Variants in EPS8L2 observed in about 807,000 individuals in gnomAD.
EPS8L2 encodes the protein EPS8 signaling adaptor L2.
A neutral mutation model predicts 99.4 loss-of-function variants in EPS8L2; 81 were observed. The ratio of observed to expected loss-of-function variants is 0.82; its 90% CI spans 0.68 to 0.98. EPS8L2 has a LOEUF of 0.98. Among genes scored for constraint, EPS8L2 ranks in the 50% least tolerant of loss-of-function variants. EPS8L2 has a pLI of 0.00. For synonymous variants in EPS8L2, 509 were observed against 407.3 expected, an observed-to-expected ratio of 1.25 and a Z score of -3.01; for missense variants, 1,155 against 968.8, an observed-to-expected ratio of 1.19 and a Z score of -2.55.
chr11:721,174 G>C lies in EPS8L2; in HGVS notation c.668G>C (p.Arg223Pro). Residue 223 changes from arginine (R) to proline (P), a missense_variant, in exon 8 of 21, where the codon CGC becomes CCC. Transcript: ENST00000318562. The stretch of plus-strand genomic sequence containing the variant: ...GGGGATTCCCCGGAGGCCAAGAATC[G>C]CGTGGGCCCGCAGGTGCCACTCAGC... ...RGGDSPEAKNRVGPQVPLSEP... is the reference protein window; with the variant it reads ...RGGDSPEAKNPVGPQVPLSEP... 1.3e-6 allele frequency: 2 copies of C among 1,534,312 alleles called. No homozygotes were observed. Among genetic ancestry groups the C allele is most frequent in the Non-Finnish European group, 1.8e-6 (2 of 1,142,772 alleles).
In EPS8L2 at chr11:724,551, TCA is replaced by T. The variant is rs1020264372; in HGVS notation, c.1455-170_1455-169del. The T allele has an allele frequency of 3.3e-6, 2 of 608,210 alleles. No homozygotes were observed. The highest frequency in any genetic ancestry group is 2.8e-5 in the East Asian group (1 of 36,036). 37.7% of individuals were successfully genotyped at this position (608,210 alleles called of 1,614,324 possible). On this transcript the variant is annotated intron_variant, in intron 15 of 20. Coordinates refer to ENST00000318562, the MANE Select transcript of EPS8L2 (RefSeq NM_022772.4). The surrounding 1 kb of genome is among the most constrained non-coding windows in gnomAD (Gnocchi z 5.5). ...GCAGGGCCCCAAAGCTCTGGGGCTG[TCA>T]CAGTTTCCATTCCGGGCTGACGCTG...
At chr11:725,071 G>C (rs895334798) in intron 16 of EPS8L2, among the ~76,000 whole-genome samples, 5 of 152,222 alleles carry the variant, frequency 3.3e-5, no homozygotes, top group African/African-American at 1.2e-4. Context: ...GTGCCAGGCT[G>C]GGGGGAGCAT....
chr11:720,774 G>T, intron 6 of EPS8L2, 28 bp downstream of exon 6: 2 of 1,535,882 alleles, frequency 1.3e-6, no homozygotes, highest in Non-Finnish European at 1.8e-6. Context: ...GGGGCAGGGT[G>T]GGGCCCCGCC....
intron 9 of EPS8L2, 106 bp from the exon 10 acceptor site, chr11:721,459 G>A: frequency 6.7e-7 from 1 of 1,491,286 alleles, no homozygotes; most frequent in South Asian, 1.3e-5. Flanking sequence ...CTGCCCCTCC[G>A]AAGGTGTGGG....
At position 723,305 on chromosome 11, in the gene EPS8L2, C is replaced by A; in HGVS notation, c.1406C>A (p.Thr469Asn). 6 of 1,591,326 alleles carry A rather than the reference C, an allele frequency of 3.8e-6. No homozygotes were observed. Among genetic ancestry groups the A allele is most frequent in the South Asian group, 1.1e-5 (1 of 88,528 alleles). ...SQKHSPTSEP[T>N]PPGDALPPVS... ...AAGCACAGCCCCACTTCAGAGCCCA[C>A]CCCCCCGGGGGATGCCCTACCACCA... Residue 469 changes from threonine (T) to asparagine (N), a missense_variant, in exon 15 of 21, where the codon ACC becomes AAC. Physicochemically the swap from Thr to Asn is moderately conservative, Grantham distance 65. Coordinates refer to ENST00000318562, the MANE Select transcript of EPS8L2 (RefSeq NM_022772.4).
chr11:711,773 T>C (rs372597018), intron 4 of EPS8L2, among the ~76,000 whole-genome samples: 3,869 of 105,038 alleles, frequency 0.037, no homozygotes, highest in Non-Finnish European at 0.047. Flanking sequence ...CATCTGAGGT[T>C]AGGAGTTTGA....
chr11:709,268 G>C, intron 1 of EPS8L2, 62 bp from the exon 2 acceptor site: 1 of 1,036,098 alleles, frequency 9.7e-7, no homozygotes, highest in African/African-American at 1.6e-5. Context: ...CTGGCCCAGG[G>C]AAGGAGGGGA....
At chr11:720,983 C>CAGGG in intron 7 of EPS8L2, 74 bp downstream of exon 7, 1 of 1,367,614 alleles carries the variant, frequency 7.3e-7, no homozygotes, top group Non-Finnish European at 9.8e-7. Context: ...GAGGAGCCGG[C>CAGGG]AGGGGAGGGG....
At position 724,868 on chromosome 11, in the gene EPS8L2, G is replaced by A. The variant is rs1419780149; in HGVS notation, c.1560+39G>A. On this transcript the variant is annotated intron_variant, in intron 16 of 20. Coordinates refer to ENST00000318562, the MANE Select transcript of EPS8L2 (RefSeq NM_022772.4). The surrounding 1 kb of genome is among the most constrained non-coding windows in gnomAD (Gnocchi z 5.5). ...GGACGGGGTCCAAGAGGGGGAAACA[G>A]GGCAGGGCTTCAAGGGAGGGGCTAC... 2 of 1,497,482 alleles carry A rather than the reference G, an allele frequency of 1.3e-6. No individual in the cohort carries two copies. The highest frequency in any genetic ancestry group is 9.3e-7 in the Non-Finnish European group (1 of 1,076,594). The allele number at this position is 1,497,482 out of a possible 1,614,324, so 92.8% of individuals were successfully genotyped here.
intron 3 of EPS8L2, 24 bp from the exon 4 acceptor site, chr11:710,398 A>G: frequency 6.2e-7 from 1 of 1,611,166 alleles, no homozygotes. Flanking sequence ...CCGTCGGGGG[A>G]GTGACTGGTG....
At chr11:715,282 T>G (rs1388836513) in intron 4 of EPS8L2, among the ~76,000 whole-genome samples, 3 of 152,064 alleles carry the variant, frequency 2.0e-5, no homozygotes, top group Non-Finnish European at 4.4e-5. Flanking sequence ...TTATTGTTTC[T>G]TCCTTAGATA....
Position 721,676 on chromosome 11 carries a change from A to G in EPS8L2, c.880A>G (p.Lys294Glu), listed in dbSNP as rs1211442214. The change falls in exon 10 of 21, where the codon AAG becomes GAG. Residue 294 changes from lysine to glutamate, a missense_variant. Coordinates refer to ENST00000318562, the MANE Select transcript of EPS8L2 (RefSeq NM_022772.4). Reference sequence around the variant, plus strand: ...GCGGAAAAAGGGGAAGAAGAAGGGCAAGAAGGCGCCAGCAGGTGCAGGGGA... The same window carrying G: ...GCGGAAAAAGGGGAAGAAGAAGGGCGAGAAGGCGCCAGCAGGTGCAGGGGA... ...NQRKKGKKKG[K>E]KAPAEGVLTL... 1 of 1,594,104 alleles carries G rather than the reference A, an allele frequency of 6.3e-7. No individual in the cohort carries two copies. The highest frequency in any genetic ancestry group is 2.2e-5 in the East Asian group (1 of 44,654).
chr11:723,042 C>T (rs917533189), intron 14 of EPS8L2, among the ~76,000 whole-genome samples, 199 bp from the exon 15 acceptor site: 2 of 119,780 alleles, frequency 1.7e-5, no homozygotes, highest in South Asian at 2.9e-4. Flanking sequence ...CTCCACCCAC[C>T]GCCCCTTCAG....
chr11:720,835 G>C lies in EPS8L2; in HGVS notation c.483G>C (p.Glu161Asp). The C allele has an allele frequency of 3.9e-6, 6 of 1,542,688 alleles. No homozygotes were observed. The highest frequency in any genetic ancestry group is 4.4e-6 in the Non-Finnish European group (5 of 1,146,282). The change falls in exon 7 of 21, where the codon GAG becomes GAC. Residue 161 changes from glutamate to aspartate, a missense_variant. By Grantham distance (45) the Glu-to-Asp change is conservative. Transcript: ENST00000318562. ...HFFHCDEVEA[E>D]LVHEDIESAL... ...CCTGACGCCCGCTTTCCCAGGCAGA[G>C]CTGGTGCACGAGGACATCGAGAGCG...
At position 720,157 on chromosome 11, in the gene EPS8L2, C is replaced by G. The variant is rs554819887; in HGVS notation, c.261C>G (p.Ile87Met). Residue 87 changes from isoleucine (I) to methionine (M), a missense_variant, in exon 5 of 21, where the codon ATC (isoleucine) becomes ATG (methionine). Physicochemically the swap from Ile to Met is conservative, Grantham distance 10. Transcript: ENST00000318562. ...KLVQLSSKEK[I>M]WTQEMLLQVN... ...TGCAGCTGAGCTCCAAGGAGAAGAT[C>G]TGGACCCAGGAGATGCTGCTGCAGG... 1.2e-5 allele frequency: 20 copies of G among 1,613,472 alleles called. No individual in the cohort carries two copies. In the South Asian group the frequency reaches 1.9e-4, roughly 15 times the overall value.
intron 4 of EPS8L2, among the ~76,000 whole-genome samples, chr11:711,269 C>CGT (rs201018308): frequency 0.011 from 1,306 of 117,350 alleles, 18 homozygotes; most frequent in Non-Finnish European, 0.012. Context: ...TGCGTGCGTG[C>CGT]GTGTGTGTGT....
intron 5 of EPS8L2, 135 bp from the exon 6 acceptor site, chr11:720,462 G>A: frequency 2.1e-6 from 3 of 1,404,594 alleles, no homozygotes; most frequent in Non-Finnish European, 1.9e-6. Context: ...CCCGGGCCTA[G>A]TCCTCATCTT....
At chr11:715,096 G>T (rs1222136150) in intron 4 of EPS8L2, among the ~76,000 whole-genome samples, 1 of 152,144 alleles carries the variant, frequency 6.6e-6, no homozygotes, top group Non-Finnish European at 1.5e-5. Context: ...CAAAAAATTA[G>T]CCAGGTGGGA....
intron 15 of EPS8L2, among the ~76,000 whole-genome samples, chr11:723,588 C>A (rs1862246914): frequency 6.6e-6 from 1 of 152,190 alleles, no homozygotes; most frequent in East Asian, 1.9e-4. Context: ...TTTTTCTGTG[C>A]ATCCACATGT....
Sources: allele counts gnomAD v4.1 joint callset (sites outside exome capture counted in the v4.1 genomes callset), GRCh38; gene constraint gnomAD v4.1.1; non-coding constraint Gnocchi (gnomAD v3.1); transcripts MANE v1.5; gene names NCBI Gene and HGNC (gene_info 2026-07-23, HGNC 2026-07-21).